CSNK2A2IP: variants seen among roughly 807,000 people sequenced by gnomAD.
CSNK2A2IP encodes the protein casein kinase II subunit alpha'-interacting protein.
the CSNK2A2IP span, among the ~76,000 whole-genome samples, chr3:88,369,898 C>T: frequency 5.3e-5 from 8 of 151,982 alleles, no homozygotes; most frequent in Non-Finnish European, 1.0e-4. Flanking sequence ...AAAGGGTGAG[C>T]CTTTAAATCT....
At chr3:88,438,694 C>T in the CSNK2A2IP span, among the ~76,000 whole-genome samples, 1 of 152,180 alleles carries the variant, frequency 6.6e-6, no homozygotes, top group Non-Finnish European at 1.5e-5. Flanking sequence ...CACATTTCCA[C>T]ACACTGTTCA....
At chr3:88,340,999 A>G in the CSNK2A2IP span, among the ~76,000 whole-genome samples, 9 of 151,996 alleles carry the variant, frequency 5.9e-5, no homozygotes, top group Non-Finnish European at 1.3e-4. Context: ...TTTTGTAAAC[A>G]TACTAAAACA....
At chr3:88,460,227 G>T in the CSNK2A2IP span, among the ~76,000 whole-genome samples, 2 of 151,166 alleles carry the variant, frequency 1.3e-5, no homozygotes, top group Admixed American at 6.6e-5. Flanking sequence ...CCATTTTTTA[G>T]TTATCTGTAT....
the CSNK2A2IP span, among the ~76,000 whole-genome samples, chr3:88,458,651 T>A: frequency 2.0e-5 from 3 of 152,160 alleles, no homozygotes; most frequent in Admixed American, 1.3e-4. Context: ...AGGAAGCTAA[T>A]GTCATTAATT....
the CSNK2A2IP span, among the ~76,000 whole-genome samples, chr3:88,373,167 CAGT>C: frequency 8.6e-5 from 13 of 151,502 alleles, no homozygotes; most frequent in African/African-American, 2.9e-4. Context: ...TAGCCAGCAA[CAGT>C]AGAATATATT....
At chr3:88,368,403 C>T in the CSNK2A2IP span, among the ~76,000 whole-genome samples, 3 of 151,956 alleles carry the variant, frequency 2.0e-5, no homozygotes, top group South Asian at 2.1e-4. Context: ...TTTAGTTAGG[C>T]TGGTTGGAAA....
chr3:88,340,118 T>C, the CSNK2A2IP span, among the ~76,000 whole-genome samples: 2 of 152,154 alleles, frequency 1.3e-5, no homozygotes, highest in Admixed American at 6.6e-5. Flanking sequence ...TTTAGAGTCA[T>C]TGTGATTATG....
At chr3:88,466,640 C>T in the CSNK2A2IP span, 22 of 1,228,148 alleles carry the variant, frequency 1.8e-5, no homozygotes, top group Admixed American at 8.9e-4. Context: ...GGAACTGTCC[C>T]TGATGATGTG....
chr3:88,397,276 A>C, the CSNK2A2IP span, among the ~76,000 whole-genome samples: 1 of 152,202 alleles, frequency 6.6e-6, no homozygotes, highest in African/African-American at 2.4e-5. Flanking sequence ...TGTCAAGACT[A>C]TCCTGTGCAT....
chr3:88,339,084 A>G, the CSNK2A2IP span, among the ~76,000 whole-genome samples: 1 of 152,044 alleles, frequency 6.6e-6, no homozygotes, highest in Non-Finnish European at 1.5e-5. Flanking sequence ...TCTTTCAATT[A>G]TTTAAAAATA....
At chr3:88,386,662 G>T in the CSNK2A2IP span, among the ~76,000 whole-genome samples, 1 of 152,200 alleles carries the variant, frequency 6.6e-6, no homozygotes, top group South Asian at 2.1e-4. Flanking sequence ...TTAATCGTAC[G>T]CATGTTGGAT....
At chr3:88,397,321 A>G in the CSNK2A2IP span, among the ~76,000 whole-genome samples, 3 of 152,144 alleles carry the variant, frequency 2.0e-5, no homozygotes, top group Admixed American at 6.5e-5. Flanking sequence ...CAGTTTTGTC[A>G]GTTTTCTACT....
At chr3:88,356,914 T>C in the CSNK2A2IP span, among the ~76,000 whole-genome samples, 2 of 152,168 alleles carry the variant, frequency 1.3e-5, no homozygotes, top group Non-Finnish European at 2.9e-5. Context: ...AAATGTCTAT[T>C]CAGGTATTTT....
the CSNK2A2IP span, among the ~76,000 whole-genome samples, chr3:88,432,052 A>T: frequency 6.6e-6 from 1 of 152,004 alleles, no homozygotes; most frequent in Admixed American, 6.6e-5. Flanking sequence ...TTTCCTTAAA[A>T]TATCTATATT....
the CSNK2A2IP span, among the ~76,000 whole-genome samples, chr3:88,350,393 A>G: frequency 6.6e-6 from 1 of 152,136 alleles, no homozygotes; most frequent in Non-Finnish European, 1.5e-5. Flanking sequence ...GAGTGGCTCA[A>G]CTACAAGTAT....
chr3:88,338,884 C>G, the CSNK2A2IP span, among the ~76,000 whole-genome samples: 1 of 151,870 alleles, frequency 6.6e-6, no homozygotes, highest in Non-Finnish European at 1.5e-5. Context: ...TTTATTCCCA[C>G]TTATGCTTTA....
chr3:88,466,270 T>A, the CSNK2A2IP span: 1 of 1,231,718 alleles, frequency 8.1e-7, no homozygotes, highest in Non-Finnish European at 1.0e-6. Flanking sequence ...GCAATCAGCA[T>A]CATCATATTT....
the CSNK2A2IP span, among the ~76,000 whole-genome samples, chr3:88,347,047 G>C: frequency 6.6e-6 from 1 of 152,032 alleles, no homozygotes; most frequent in East Asian, 1.9e-4. Context: ...CAAGACTTCA[G>C]TGGAAGAAGT....
chr3:88,367,324 G>A, the CSNK2A2IP span, among the ~76,000 whole-genome samples: 2 of 152,052 alleles, frequency 1.3e-5, no homozygotes, highest in Non-Finnish European at 2.9e-5. Context: ...AATTATGTAT[G>A]AGGGCACTGG....
Sources: gnomAD v4.1 joint callset for allele counts (sites outside exome capture counted in the v4.1 genomes callset) on GRCh38, gnomAD v4.1.1 for gene constraint, MANE v1.5 for transcripts, NCBI Gene and HGNC (gene_info 2026-07-23, HGNC 2026-07-21) for gene names.